Variants in IMMP2L observed in about 807,000 individuals in gnomAD.
IMMP2L encodes the protein inner mitochondrial membrane peptidase subunit 2, also known as mitochondrial inner membrane protease subunit 2.
A neutral mutation model predicts 19.3 loss-of-function variants in IMMP2L; 18 were observed. The observed-to-expected ratio is 0.93, with a 90% CI of 0.64 to 1.38. The LOEUF (loss-of-function observed/expected upper bound fraction) is 1.38. IMMP2L is among the 40% of genes most tolerant of loss of function. IMMP2L has a pLI of 0.00. For missense variants in IMMP2L, 233 were observed against 218.2 expected, an observed-to-expected ratio of 1.07 and a Z score of -0.43; for synonymous variants, 76 against 73.0, an observed-to-expected ratio of 1.04 and a Z score of -0.21.
At chr7:110,817,650 G>T (rs957305084) in intron 5 of IMMP2L, among the ~76,000 whole-genome samples, 1 of 152,030 alleles carries the variant, frequency 6.6e-6, no homozygotes, top group African/African-American at 2.4e-5. Context: ...AGCCCGCATA[G>T]CCAAGTCAAT....
At position 111,042,880 on chromosome 7, in the gene IMMP2L, G is replaced by A. The variant is rs548411817; in HGVS notation, c.240-79315C>T. Among the ~76,000 whole-genome samples, 7 of 152,322 alleles carry A rather than the reference G, an allele frequency of 4.6e-5. No homozygotes were observed. In the South Asian group the frequency reaches 1.2e-3, roughly 27 times the overall value. Reference sequence around the variant, plus strand: ...GAAATTTAAGAAGGCTATATGTCTTGAAAGGGCAGAAATTATGTCTTGTTC... The same window carrying A: ...GAAATTTAAGAAGGCTATATGTCTTAAAAGGGCAGAAATTATGTCTTGTTC... On this transcript the variant is annotated intron_variant, in intron 3 of 5. Coordinates refer to ENST00000405709, the MANE Select transcript of IMMP2L (RefSeq NM_032549.4).
chr7:111,515,201 G>A (rs1365855899), intron 2 of IMMP2L, among the ~76,000 whole-genome samples: 1 of 152,132 alleles, frequency 6.6e-6, no homozygotes, highest in East Asian at 1.9e-4. Context: ...TGGTGCCTGA[G>A]GCTGCTCTAA....
chr7:110,735,429 G>C (rs990322830), intron 5 of IMMP2L, among the ~76,000 whole-genome samples: 2 of 151,760 alleles, frequency 1.3e-5, no homozygotes, highest in African/African-American at 4.8e-5. Context: ...CTGTGGCCCT[G>C]AAACAACCAA....
intron 3 of IMMP2L, among the ~76,000 whole-genome samples, chr7:111,198,116 T>C (rs955214509): frequency 6.6e-6 from 1 of 152,166 alleles, no homozygotes; most frequent in Admixed American, 6.5e-5. Flanking sequence ...CATGTATTCT[T>C]TTCCTGTCCT....
chr7:111,202,938 T>C (rs945742672), intron 3 of IMMP2L, among the ~76,000 whole-genome samples: 1 of 152,158 alleles, frequency 6.6e-6, no homozygotes, highest in Non-Finnish European at 1.5e-5. Context: ...AAGTTTAATA[T>C]AGATGGCTTG....
intron 3 of IMMP2L, among the ~76,000 whole-genome samples, chr7:111,287,431 T>C (rs924456706): frequency 7.2e-5 from 11 of 152,044 alleles, no homozygotes; most frequent in Non-Finnish European, 1.2e-4. Flanking sequence ...GGCTTTTGTA[T>C]TAAACACCAT....
chr7:111,552,524 G>C (rs1170569422), intron 1 of IMMP2L, among the ~76,000 whole-genome samples: 1 of 152,182 alleles, frequency 6.6e-6, no homozygotes. Context: ...CTGACCTCAA[G>C]TGATCCACCT....
chr7:111,161,262 G>A (rs892259978), intron 3 of IMMP2L, among the ~76,000 whole-genome samples: 6 of 151,684 alleles, frequency 4.0e-5, no homozygotes, highest in East Asian at 1.9e-4. Flanking sequence ...TAGCTTTGAC[G>A]ACAAAACAGA....
intron 3 of IMMP2L, among the ~76,000 whole-genome samples, chr7:111,442,016 T>A (rs6954607): frequency 0.14 from 20,932 of 151,428 alleles, 2,893 homozygotes; most frequent in African/African-American, 0.34. Flanking sequence ...GCGTGCCTGT[T>A]ATCCCAGCTT....
chr7:110,949,626 G>A lies in IMMP2L; in HGVS notation c.305+13874C>T, dbSNP rs114348592. Among the ~76,000 whole-genome samples, 1,123 of 152,188 alleles carry A rather than the reference G, an allele frequency of 7.4e-3. 16 individuals are homozygous for A. The highest frequency in any genetic ancestry group is 0.026 in the African/African-American group (1,086 of 41,524). ...ATGTGTTGCCTATGGTTGTTTTCATGCTACAATATCAGAGTTGAATAGATT... is the reference window on the plus strand; with the variant it reads ...ATGTGTTGCCTATGGTTGTTTTCATACTACAATATCAGAGTTGAATAGATT... On this transcript the variant is annotated intron_variant, in intron 4 of 5. Transcript: ENST00000405709.
intron 3 of IMMP2L, among the ~76,000 whole-genome samples, chr7:110,970,869 T>G (rs1820070807): frequency 6.6e-6 from 1 of 152,254 alleles, no homozygotes; most frequent in East Asian, 1.9e-4. Flanking sequence ...TCTAGCCTCA[T>G]AACCGTAACA....
At chr7:111,096,828 T>C (rs1797449981) in intron 3 of IMMP2L, among the ~76,000 whole-genome samples, 1 of 151,892 alleles carries the variant, frequency 6.6e-6, no homozygotes, top group Admixed American at 6.6e-5. Context: ...CTAAATAAGA[T>C]AAAAATACTA....
intron 3 of IMMP2L, among the ~76,000 whole-genome samples, chr7:111,476,535 G>A (rs1440692135): frequency 6.6e-6 from 1 of 152,102 alleles, no homozygotes; most frequent in Non-Finnish European, 1.5e-5. Flanking sequence ...AGCCTAGTAG[G>A]TTTGGCTAGA....
intron 3 of IMMP2L, among the ~76,000 whole-genome samples, chr7:111,144,633 A>T (rs1377463553): frequency 2.0e-5 from 3 of 152,100 alleles, no homozygotes; most frequent in African/African-American, 7.2e-5. Context: ...TATTAAATCC[A>T]CGGGGGACAG....
chr7:111,465,467 G>A (rs1245517640), intron 3 of IMMP2L, among the ~76,000 whole-genome samples: 2 of 149,228 alleles, frequency 1.3e-5, no homozygotes, highest in African/African-American at 5.0e-5. Context: ...TTTGGGGATG[G>A]GGAGGGGTAG....
In IMMP2L at chr7:110,698,450, G is replaced by A. The variant is rs186373968; in HGVS notation, c.409-34729C>T. Reference sequence around the variant, plus strand: ...TTATTATTTCATTGTAATTCAACCAGTAGCATCCAGAATTGTAAAAGGACA... The same window carrying A: ...TTATTATTTCATTGTAATTCAACCAATAGCATCCAGAATTGTAAAAGGACA... On this transcript the variant is annotated intron_variant, in intron 5 of 5. Coordinates refer to ENST00000405709, the MANE Select transcript of IMMP2L (RefSeq NM_032549.4). Among the ~76,000 whole-genome samples the A allele has an allele frequency of 9.2e-5, 14 of 152,222 alleles. No homozygotes were observed. The East Asian group carries it at 2.5e-3, about 27-fold the overall frequency.
At chr7:111,424,066 C>A (rs950455007) in intron 3 of IMMP2L, among the ~76,000 whole-genome samples, 2 of 151,828 alleles carry the variant, frequency 1.3e-5, no homozygotes, top group South Asian at 4.1e-4. Context: ...TCAATCTTAT[C>A]ACGTATACCA....
At chr7:110,688,435 G>C (rs1188937344) in intron 5 of IMMP2L, among the ~76,000 whole-genome samples, 2 of 151,866 alleles carry the variant, frequency 1.3e-5, no homozygotes, top group African/African-American at 4.8e-5. Flanking sequence ...CCAAATACTG[G>C]CCAATTTACT....
rs528100992 is a variant in IMMP2L at position 111,478,603 on chromosome 7, G to GTA, written c.239+8633_239+8634dup. On this transcript the variant is annotated intron_variant, in intron 3 of 5. Transcript: ENST00000405709. ...TGTTTGTTTGTTTGTTTTTGGTTAAGTAGAGACCAGGGAAGTCTTGCTATG... is the reference window on the plus strand; with the variant it reads ...TGTTTGTTTGTTTGTTTTTGGTTAAGTATAGAGACCAGGGAAGTCTTGCTATG... 6.6e-5 allele frequency among the ~76,000 whole-genome samples: 10 copies of GTA among 150,404 alleles called. No individual in the cohort carries two copies. In the East Asian group the frequency reaches 1.8e-3, roughly 26 times the overall value.
Sources: gnomAD v4.1 joint callset for allele counts (sites outside exome capture counted in the v4.1 genomes callset) on GRCh38, gnomAD v4.1.1 for gene constraint, MANE v1.5 for transcripts, NCBI Gene and HGNC (gene_info 2026-07-23, HGNC 2026-07-21) for gene names.